The following SLC25A12 variants were observed in gnomAD, a reference collection of about 807,000 sequenced individuals.
SLC25A12 encodes solute carrier family 25 member 12, also known as electrogenic aspartate/glutamate antiporter SLC25A12, mitochondrial.
A neutral mutation model predicts 83.3 loss-of-function variants in SLC25A12; 32 were observed. That is an observed-to-expected ratio of 0.38 (90% confidence interval 0.29 to 0.52). The LOEUF (loss-of-function observed/expected upper bound fraction) is 0.52, where lower values mean the gene tolerates loss of function less well. Ranked by LOEUF, SLC25A12 falls within the 20% of genes least tolerant of loss-of-function variation. SLC25A12 has a pLI of 0.84. For missense variants in SLC25A12, 611 were observed against 835.6 expected, an observed-to-expected ratio of 0.73 and a Z score of 3.31; for synonymous variants, 267 against 291.1, an observed-to-expected ratio of 0.92 and a Z score of 0.84.
chr2:171,788,839 A>C (rs1405953029), intron 15 of SLC25A12: 1 of 152,202 alleles, frequency 6.6e-6, no homozygotes, highest in African/African-American at 2.4e-5. Flanking sequence ...AGATGAAACT[A>C]GGTAAACTTC....
chr2:171,788,837 C>G (rs1277707443), intron 15 of SLC25A12: 1 of 152,206 alleles, frequency 6.6e-6, no homozygotes, highest in African/African-American at 2.4e-5. Flanking sequence ...TCAGATGAAA[C>G]TAGGTAAACT....
chr2:171,831,846 C>G (rs1473226675), intron 8 of SLC25A12, among the ~76,000 whole-genome samples: 3 of 151,164 alleles, frequency 2.0e-5, no homozygotes, highest in African/African-American at 7.3e-5. Flanking sequence ...TTGCAGTGGG[C>G]TGAGATCATG....
At chr2:171,795,461 T>C (rs141846609) in intron 13 of SLC25A12, among the ~76,000 whole-genome samples, 1 of 152,354 alleles carries the variant, frequency 6.6e-6, no homozygotes, top group East Asian at 1.9e-4. Flanking sequence ...GTAGCTAGTA[T>C]TAAAGACCAA....
chr2:171,868,755 T>C lies in SLC25A12; in HGVS notation c.135A>G (p.Gly45=), dbSNP rs1164674022. The C allele has an allele frequency of 4.3e-6, 7 of 1,613,680 alleles. No homozygotes were observed. The East Asian group carries it at 1.3e-4, about 31-fold the overall frequency. Residue 45 remains glycine (G), a synonymous_variant, in exon 3 of 18, where the codon GGA becomes GGG. Coordinates refer to ENST00000422440, the MANE Select transcript of SLC25A12 (RefSeq NM_003705.5). The stretch of plus-strand genomic sequence containing the variant: ...GGTTACTATTTGGATCATTATACAG[T>C]CCAAGATAGCGCTGAACAAAGTCTT... ...TPEDFVQRYL[G]LYNDPNSNPK...
At chr2:171,827,325 T>C (rs189752096) in intron 8 of SLC25A12, among the ~76,000 whole-genome samples, 4 of 152,048 alleles carry the variant, frequency 2.6e-5, no homozygotes, top group Non-Finnish European at 4.4e-5. Flanking sequence ...TCCAACGATA[T>C]GTTCTTTCCA....
intron 9 of SLC25A12, among the ~76,000 whole-genome samples, chr2:171,818,163 C>T (rs1038193695): frequency 1.3e-5 from 2 of 151,938 alleles, no homozygotes; most frequent in African/African-American, 4.8e-5. Flanking sequence ...GAAATGCTAC[C>T]GCTGTCATCC....
chr2:171,851,492 TAAA>T (rs367909612), intron 4 of SLC25A12, among the ~76,000 whole-genome samples: 28 of 126,826 alleles, frequency 2.2e-4, no homozygotes, highest in Non-Finnish European at 3.1e-4. Context: ...CCTGGCCCCT[TAAA>T]AAAAAAAAAA....
At chr2:171,891,512 GGCCAGATGATTA>G (rs1685937862) in intron 2 of SLC25A12, among the ~76,000 whole-genome samples, 1 of 152,154 alleles carries the variant, frequency 6.6e-6, no homozygotes, top group African/African-American at 2.4e-5. Context: ...AACTCAGGAA[GGCCAGATGATTA>G]GCCTAAGGGT....
In SLC25A12 at chr2:171,785,393, T is replaced by C; in HGVS notation, c.1918A>G (p.Arg640Gly). ...CCTGCAAACGTGGCTGTGGCGAGTC[T>C]GTATCCACCGATGTGATCAGGGTTG... is the stretch of plus-strand genomic sequence containing the variant. Reference protein sequence around the residue: ...PANPDHIGGYRLATATFAGIE... With the variant: ...PANPDHIGGYGLATATFAGIE... Residue 640 changes from arginine (R) to glycine (G), a missense_variant, in exon 18 of 18, where the codon AGA (arginine) becomes GGA (glycine). Physicochemically the swap from Arg to Gly is moderately radical, Grantham distance 125. Transcript: ENST00000422440. 1.9e-6 allele frequency: 3 copies of C among 1,614,222 alleles called. No homozygotes were observed. The highest frequency in any genetic ancestry group is 2.5e-6 in the Non-Finnish European group (3 of 1,180,026).
rs532382638 is a variant in SLC25A12 at position 171,844,240 on chromosome 2, G to A, written c.465+129C>T. On this transcript the variant is annotated intron_variant, in intron 5 of 17. Transcript: ENST00000422440. ...GTTTAAAGAAGTTGTCTCTGGCGAG[G>A]GGGAAATTTAAAAAATAGGAGTGAA... 4.4e-5 allele frequency: 41 copies of A among 929,058 alleles called. No individual in the cohort carries two copies. The South Asian group carries it at 5.3e-4, about 12-fold the overall frequency. 57.6% of individuals were successfully genotyped at this position (929,058 alleles called of 1,614,324 possible).
At chr2:171,891,275 G>C (rs1685929714) in intron 2 of SLC25A12, among the ~76,000 whole-genome samples, 1 of 151,884 alleles carries the variant, frequency 6.6e-6, no homozygotes, top group African/African-American at 2.4e-5. Context: ...TTCCAGCCTG[G>C]GCGACAGAGC....
Position 171,886,447 on chromosome 2 carries a change from GTT to G in SLC25A12, c.66+6756_66+6757del, listed in dbSNP as rs199558269. ...GGGGTTTTGCCACGTTGCCTAGGCT[GTT>G]TTTTTTTTTTTTCTTTTTTGAGGAA... is the stretch of plus-strand genomic sequence containing the variant. On this transcript the variant is annotated intron_variant, in intron 2 of 17. Transcript: ENST00000422440. Among the ~76,000 whole-genome samples the G allele has an allele frequency of 2.6e-4, 35 of 132,680 alleles. 1 individual carries two copies. The highest frequency in any genetic ancestry group is 9.5e-4 in the South Asian group (4 of 4,226). The allele number at this position is 132,680 out of a possible 152,430, so 87.0% of individuals were successfully genotyped here.
chr2:171,795,970 A>AAACT (rs1447896272), intron 13 of SLC25A12, among the ~76,000 whole-genome samples: 1 of 152,214 alleles, frequency 6.6e-6, no homozygotes, highest in Non-Finnish European at 1.5e-5. Flanking sequence ...TGTTTGAGAC[A>AAACT]GGGCCTCACT....
chr2:171,886,049 CTTTG>C (rs956427214), intron 2 of SLC25A12, among the ~76,000 whole-genome samples: 95 of 152,176 alleles, frequency 6.2e-4, no homozygotes, highest in African/African-American at 2.2e-3. Context: ...CATGAAATGA[CTTTG>C]TTTTACAAAT....
At chr2:171,808,799 C>T (rs561937499) in intron 13 of SLC25A12, among the ~76,000 whole-genome samples, 2 of 152,252 alleles carry the variant, frequency 1.3e-5, no homozygotes, top group Non-Finnish European at 2.9e-5. Flanking sequence ...CTGCACCCAT[C>T]AACTCATCAT....
chr2:171,858,330 A>T (rs1488259659), intron 3 of SLC25A12, among the ~76,000 whole-genome samples: 2 of 152,208 alleles, frequency 1.3e-5, no homozygotes, highest in Non-Finnish European at 2.9e-5. Flanking sequence ...TTTGAGGAAG[A>T]AAAAAACAGA....
At position 171,821,056 on chromosome 2, in the gene SLC25A12, G is replaced by A. The variant is rs75695480; in HGVS notation, c.930+5742C>T. On this transcript the variant is annotated intron_variant, in intron 9 of 17. Coordinates refer to ENST00000422440, the MANE Select transcript of SLC25A12 (RefSeq NM_003705.5). Reference sequence around the variant, plus strand: ...TTTTTTTTTTTTTTTTTGAGACAGCGTCTCCCTCTGTTGCCCAGGCTAAAG... The same window carrying A: ...TTTTTTTTTTTTTTTTTGAGACAGCATCTCCCTCTGTTGCCCAGGCTAAAG... 3.9e-3 allele frequency among the ~76,000 whole-genome samples: 418 copies of A among 107,450 alleles called. 15 individuals are homozygous for A. In the East Asian group the frequency reaches 0.062, roughly 16 times the overall value. The allele number at this position is 107,450 out of a possible 152,430, so 70.5% of individuals were successfully genotyped here.
intron 9 of SLC25A12, among the ~76,000 whole-genome samples, chr2:171,822,441 T>C (rs1684213042): frequency 6.6e-6 from 1 of 152,174 alleles, no homozygotes; most frequent in Admixed American, 6.5e-5. Flanking sequence ...TGGAGTGCAG[T>C]AGTGTGATCA....
At chr2:171,848,180 C>G (rs1444954486) in intron 4 of SLC25A12, 1 of 471,020 alleles carries the variant, frequency 2.1e-6, no homozygotes, top group South Asian at 1.5e-5. Flanking sequence ...TACCTCTGAC[C>G]GGGGCTGGCA....
Sources: allele counts gnomAD v4.1 joint callset (sites outside exome capture counted in the v4.1 genomes callset), GRCh38; gene constraint gnomAD v4.1.1; transcripts MANE v1.5; gene names NCBI Gene and HGNC (gene_info 2026-07-23, HGNC 2026-07-21).